Variants in CUX2 observed in about 807,000 individuals in gnomAD.
CUX2 encodes homeobox protein cut-like 2.
A neutral mutation model predicts 144.8 loss-of-function variants in CUX2; 40 were observed. That is an observed-to-expected ratio of 0.28 (90% CI 0.21 to 0.36). The LOEUF (loss-of-function observed/expected upper bound fraction) is 0.36. Among genes scored for constraint, CUX2 ranks in the 10% least tolerant of loss-of-function variants. The pLI, the probability that CUX2 is intolerant of heterozygous loss-of-function variation, is 1.00. For synonymous variants in CUX2, 827 were observed against 875.6 expected, an observed-to-expected ratio of 0.94 and a Z score of 0.98; for missense variants, 1,615 against 1,994.0, an observed-to-expected ratio of 0.81 and a Z score of 3.62.
chr12:111,103,620 G>A (rs1873405399), intron 1 of CUX2, among the ~76,000 whole-genome samples: 1 of 152,166 alleles, frequency 6.6e-6, no homozygotes. Context: ...AGACTTTTCA[G>A]GGACTTTGTC....
chr12:111,133,505 G>C (rs1206662942), intron 1 of CUX2, among the ~76,000 whole-genome samples: 1 of 152,134 alleles, frequency 6.6e-6, no homozygotes, highest in Non-Finnish European at 1.5e-5. Flanking sequence ...GATCTCATGA[G>C]AGTTACTATC....
chr12:111,119,152 G>A (rs1465234550), intron 1 of CUX2, among the ~76,000 whole-genome samples: 2 of 152,174 alleles, frequency 1.3e-5, no homozygotes, highest in African/African-American at 4.8e-5. Context: ...TTTACATTGT[G>A]GGCCATAGGG....
chr12:111,148,814 C>G (rs1395521054), intron 1 of CUX2, among the ~76,000 whole-genome samples: 8 of 152,122 alleles, frequency 5.3e-5, no homozygotes. Context: ...CTTGGCAATA[C>G]AGTGAGACCC....
At chr12:111,144,409 C>T (rs1566251311) in intron 1 of CUX2, among the ~76,000 whole-genome samples, 1 of 152,190 alleles carries the variant, frequency 6.6e-6, no homozygotes, top group Admixed American at 6.5e-5. Context: ...TGGCCTTTAT[C>T]CATGATCTTC....
At chr12:111,118,839 T>TTAA (rs1332185505) in intron 1 of CUX2, among the ~76,000 whole-genome samples, 1 of 152,210 alleles carries the variant, frequency 6.6e-6, no homozygotes, top group African/African-American at 2.4e-5. Context: ...TCTGATTTAA[T>TTAA]TGGTCTGGGG....
chr12:111,126,140 A>G (rs4420328), intron 1 of CUX2, among the ~76,000 whole-genome samples: 11,474 of 145,082 alleles, frequency 0.079, 1,539 homozygotes, highest in African/African-American at 0.28. Flanking sequence ...ATGGAGTCTC[A>G]CTCTGTTGCC....
intron 1 of CUX2, among the ~76,000 whole-genome samples, chr12:111,141,960 T>C (rs1876348473): frequency 6.6e-6 from 1 of 152,180 alleles, no homozygotes; most frequent in Non-Finnish European, 1.5e-5. Flanking sequence ...GGTGTGTGCC[T>C]GTAATCCCAG....
intron 1 of CUX2, among the ~76,000 whole-genome samples, chr12:111,151,092 T>G (rs1877024418): frequency 6.6e-6 from 1 of 152,218 alleles, no homozygotes; most frequent in Non-Finnish European, 1.5e-5. Flanking sequence ...AATGAAGAAC[T>G]ATAGCAGTCA....
chr12:111,243,801 G>T lies in CUX2; in HGVS notation c.223-19960G>T, dbSNP rs149979851. Among the ~76,000 whole-genome samples, 82 of 152,218 alleles carry T rather than the reference G, an allele frequency of 5.4e-4. 2 individuals carry two copies. In the East Asian group the frequency reaches 0.014, roughly 27 times the overall value. ...GCACAAATTTCCATGCTAAAACCAAGAAAGTCCCAGGCAAACTGAGACAAG... is the reference window on the plus strand; with the variant it reads ...GCACAAATTTCCATGCTAAAACCAATAAAGTCCCAGGCAAACTGAGACAAG... On this transcript the variant is annotated intron_variant, in intron 3 of 21. Transcript: ENST00000261726.
chr12:111,114,506 A>G (rs189585397), intron 1 of CUX2, among the ~76,000 whole-genome samples: 1 of 152,182 alleles, frequency 6.6e-6, no homozygotes, highest in East Asian at 1.9e-4. Context: ...TCTCTGTTAG[A>G]TAGGTGATTT....
chr12:111,101,769 T>C (rs1873257219), intron 1 of CUX2, among the ~76,000 whole-genome samples: 1 of 152,206 alleles, frequency 6.6e-6, no homozygotes, highest in Admixed American at 6.5e-5. Flanking sequence ...ACTTGTTACC[T>C]TGGGGTCTTT....
rs1469295354 is a variant in CUX2 at position 111,034,713 on chromosome 12, G to T, written c.63+473G>T. Reference sequence around the variant, plus strand: ...AGGGAGGGAGGGAGCTGGCGGGCAGGGAGGAGGAGGAGGAGAGGAGGAGGA... The same window carrying T: ...AGGGAGGGAGGGAGCTGGCGGGCAGTGAGGAGGAGGAGGAGAGGAGGAGGA... On this transcript the variant is annotated intron_variant, in intron 1 of 21. Transcript: ENST00000261726. The surrounding 1 kb of genome is among the most constrained non-coding windows in gnomAD (Gnocchi z 4.2). 6.6e-6 allele frequency among the ~76,000 whole-genome samples: 1 copy of T among 151,326 alleles called. No homozygotes were observed. The highest frequency in any genetic ancestry group is 2.4e-5 in the African/African-American group (1 of 41,326).
intron 3 of CUX2, among the ~76,000 whole-genome samples, chr12:111,256,952 G>A (rs1429059807): frequency 6.6e-6 from 1 of 152,138 alleles, no homozygotes. Context: ...CAGCCTAGGG[G>A]AGGGGGCCCA....
At chr12:111,058,535 C>CAGAGAGAGAGAGACAGAGAG (rs1278306285) in intron 1 of CUX2, among the ~76,000 whole-genome samples, 1 of 151,560 alleles carries the variant, frequency 6.6e-6, no homozygotes, top group Non-Finnish European at 1.5e-5. Context: ...TGAAGAGACA[C>CAGAGAGAGAGAGACAGAGAG]AGAGAGAGAG....
intron 1 of CUX2, among the ~76,000 whole-genome samples, chr12:111,049,498 T>C (rs1377409502): frequency 6.6e-6 from 1 of 152,162 alleles, no homozygotes; most frequent in Non-Finnish European, 1.5e-5. Context: ...ATGACATAAT[T>C]AGCACAGTAA....
intron 1 of CUX2, among the ~76,000 whole-genome samples, chr12:111,097,639 G>A (rs983012570): frequency 6.6e-5 from 10 of 152,150 alleles, no homozygotes; most frequent in South Asian, 6.2e-4. Context: ...GGTCACTGGC[G>A]TGAGCAGACC....
chr12:111,222,748 CTTG>C (rs891418599), intron 3 of CUX2, among the ~76,000 whole-genome samples: 34 of 152,192 alleles, frequency 2.2e-4, no homozygotes, highest in Non-Finnish European at 2.9e-5. Context: ...CAGTGAGTCA[CTTG>C]TTGTCACCAT....
intron 4 of CUX2, chr12:111,270,554 G>A (rs1371216237): frequency 6.6e-6 from 1 of 151,964 alleles, no homozygotes; most frequent in Non-Finnish European, 1.5e-5. Flanking sequence ...TATTGGTGAT[G>A]GCTGATTCCT....
chr12:111,256,099 G>A (rs960672392), intron 3 of CUX2, among the ~76,000 whole-genome samples: 3 of 151,778 alleles, frequency 2.0e-5, no homozygotes, highest in Non-Finnish European at 4.4e-5. Flanking sequence ...AGCAAGTCTC[G>A]GCCCTGCTTC....
Sources: allele counts gnomAD v4.1 joint callset (sites outside exome capture counted in the v4.1 genomes callset), GRCh38; gene constraint gnomAD v4.1.1; non-coding constraint Gnocchi (gnomAD v3.1); transcripts MANE v1.5; gene names NCBI Gene and HGNC (gene_info 2026-07-23, HGNC 2026-07-21).